The following DPH6 variants were observed in gnomAD, a reference collection of about 807,000 sequenced individuals.
The protein encoded by DPH6 is diphthine--ammonia ligase.
DPH6 carries 33 observed loss-of-function variants against 38.2 expected under a neutral mutation model. The ratio of observed to expected loss-of-function variants is 0.86; its 90% CI spans 0.65 to 1.15. The LOEUF is 1.15. DPH6 is among the 50% of genes most tolerant of loss of function. The pLI is 0.00. For missense variants in DPH6, 325 were observed against 320.0 expected, an observed-to-expected ratio of 1.02 and a Z score of -0.12; for synonymous variants, 108 against 103.0, an observed-to-expected ratio of 1.05 and a Z score of -0.30.
chr15:35,456,693 G>C (rs1401645119), intron 3 of DPH6, among the ~76,000 whole-genome samples: 1 of 151,622 alleles, frequency 6.6e-6, no homozygotes, highest in Non-Finnish European at 1.5e-5. Flanking sequence ...TCACCATATT[G>C]GCCAGGCTGG....
Position 35,346,499 on chromosome 15 carries a change from A to G in DPH6, n.208-15422T>C. Among the ~76,000 whole-genome samples the G allele has an allele frequency of 1.3e-5, 2 of 152,020 alleles. 1 individual carries two copies. Among genetic ancestry groups the G allele is most frequent in the East Asian group, 3.8e-4 (2 of 5,196 alleles). The stretch of plus-strand genomic sequence containing the variant: ...GTCTTTAATATTTCTTGTGCTGATT[A>G]TTTTTACCTCCTCTCTTTATATCTC... On this transcript the variant is annotated intron_variant and non_coding_transcript_variant, in intron 3 of 3. Transcript: ENST00000558973.
chr15:35,359,825 T>G (rs1033049506), intron 3 of DPH6, among the ~76,000 whole-genome samples: 1 of 152,210 alleles, frequency 6.6e-6, no homozygotes, highest in African/African-American at 2.4e-5. Context: ...GTCATTGTAT[T>G]CTTCAGTTCC....
intron 3 of DPH6, among the ~76,000 whole-genome samples, chr15:35,324,885 G>A (rs2052269455): frequency 6.6e-6 from 1 of 152,148 alleles, no homozygotes; most frequent in African/African-American, 2.4e-5. Flanking sequence ...TGCTATGAAA[G>A]TGAAACAATT....
chr15:35,388,908 T>C (rs569589969), intron 6 of DPH6, among the ~76,000 whole-genome samples: 1 of 152,298 alleles, frequency 6.6e-6, no homozygotes, highest in East Asian at 1.9e-4. Flanking sequence ...TCCTCTTGCT[T>C]CTCTAGTTCT....
chr15:35,407,308 T>C (rs1338957979), intron 6 of DPH6, among the ~76,000 whole-genome samples: 2 of 152,084 alleles, frequency 1.3e-5, no homozygotes, highest in East Asian at 1.9e-4. Context: ...AAAACAACTA[T>C]AGCAAATTGT....
intron 5 of DPH6, among the ~76,000 whole-genome samples, chr15:35,420,609 T>G (rs1190125882): frequency 6.6e-6 from 1 of 152,090 alleles, no homozygotes; most frequent in Non-Finnish European, 1.5e-5. Context: ...CTCCGCCTCC[T>G]GGGATCAAGC....
intron 3 of DPH6, among the ~76,000 whole-genome samples, chr15:35,508,716 T>C (rs2054728630): frequency 6.6e-6 from 1 of 152,128 alleles, no homozygotes; most frequent in Non-Finnish European, 1.5e-5. Context: ...CAAATCAAGA[T>C]AAAATCGCTA....
chr15:35,410,618 G>T (rs1439999680), intron 6 of DPH6, among the ~76,000 whole-genome samples: 2 of 151,374 alleles, frequency 1.3e-5, no homozygotes, highest in Non-Finnish European at 3.0e-5. Context: ...TTTCTTCTTA[G>T]GTATAACTGT....
At chr15:35,324,438 T>TA (rs1244650081) in intron 3 of DPH6, among the ~76,000 whole-genome samples, 1 of 152,170 alleles carries the variant, frequency 6.6e-6, no homozygotes, top group Non-Finnish European at 1.5e-5. Flanking sequence ...GTGCATCAGT[T>TA]ACTTAGATAC....
At chr15:35,502,972 G>A (rs1367526490) in intron 3 of DPH6, among the ~76,000 whole-genome samples, 1 of 148,328 alleles carries the variant, frequency 6.7e-6, no homozygotes, top group African/African-American at 2.4e-5. Flanking sequence ...ACACACCAGT[G>A]TGCCTGGCCT....
chr15:35,389,030 T>A (rs2053014146), intron 6 of DPH6, among the ~76,000 whole-genome samples: 1 of 152,212 alleles, frequency 6.6e-6, no homozygotes. Flanking sequence ...CCAGAGATTC[T>A]GGTATGTTGT....
At chr15:35,499,166 CAGA>C (rs766353638) in intron 3 of DPH6, among the ~76,000 whole-genome samples, 6 of 151,988 alleles carry the variant, frequency 3.9e-5, no homozygotes, top group Non-Finnish European at 8.8e-5. Context: ...TCTAGAACAC[CAGA>C]TATTAAATAA....
chr15:35,168,729 A>C, the DPH6 span, among the ~76,000 whole-genome samples: 11 of 152,202 alleles, frequency 7.2e-5, no homozygotes, highest in African/African-American at 2.6e-4. Flanking sequence ...AGACCGTGGA[A>C]TGTCAGCAGC....
the DPH6 span, among the ~76,000 whole-genome samples, chr15:35,212,305 T>C: frequency 6.6e-6 from 1 of 152,166 alleles, no homozygotes; most frequent in South Asian, 2.1e-4. Flanking sequence ...AAAACTCTTT[T>C]CACAGACAAA....
At chr15:35,176,089 C>T in the DPH6 span, among the ~76,000 whole-genome samples, 1 of 152,160 alleles carries the variant, frequency 6.6e-6, no homozygotes, top group African/African-American at 2.4e-5. Context: ...GAGTTTATTT[C>T]CAGACTTCAA....
At chr15:35,282,925 T>C (rs554322737) in intron 3 of DPH6, 97 of 343,218 alleles carry the variant, frequency 2.8e-4, no homozygotes, top group African/African-American at 2.0e-3. Flanking sequence ...ACATCAACAA[T>C]ACTTGGGTTT....
At chr15:35,538,570 T>TGA in intron 2 of DPH6, 103 bp from the exon 3 acceptor site, 7 of 1,012,586 alleles carry the variant, frequency 6.9e-6, no homozygotes, top group Non-Finnish European at 9.4e-6. Context: ...ACACAGAACT[T>TGA]GAAAGCTTGC....
In DPH6 at chr15:35,410,885, C is replaced by G. The variant is rs887731679; in HGVS notation, c.517G>C (p.Asp173His). 6 of 1,604,162 alleles carry G rather than the reference C, an allele frequency of 3.7e-6. No individual in the cohort carries two copies. The Admixed American group carries it at 8.4e-5, about 23-fold the overall frequency. ...IKVAALGLDPDKHLGKTLDQM... is the reference protein window; with the variant it reads ...IKVAALGLDPHKHLGKTLDQM... ...TCCAGGGTTTTCCCAAGATGCTTAT[C>G]AGGATCTAAACCTGCCAAGAAAGGT... is the stretch of plus-strand genomic sequence containing the variant. Residue 173 changes from aspartate (D) to histidine (H), a missense_variant, in exon 6 of 9, where the codon GAT (aspartate) becomes CAT (histidine). Physicochemically the swap from Asp to His is moderately conservative, Grantham distance 81. Transcript: ENST00000256538.
chr15:35,468,969 G>C (rs1415000821), intron 3 of DPH6, among the ~76,000 whole-genome samples: 2 of 152,168 alleles, frequency 1.3e-5, no homozygotes, highest in Non-Finnish European at 2.9e-5. Flanking sequence ...TTGGGAGGCA[G>C]AGTCAGGAGA....
Sources: allele counts gnomAD v4.1 joint callset (sites outside exome capture counted in the v4.1 genomes callset), GRCh38; gene constraint gnomAD v4.1.1; transcripts MANE v1.5; gene names NCBI Gene and HGNC (gene_info 2026-07-23, HGNC 2026-07-21).